KIAA0586: variants seen among roughly 807,000 people sequenced by gnomAD.
The protein encoded by KIAA0586 is KIAA0586.
KIAA0586 carries 144 observed loss-of-function variants against 169.8 expected under a neutral mutation model. The observed-to-expected ratio is 0.85, with a 90% CI of 0.74 to 0.97. The LOEUF is 0.97. Ranked by LOEUF, KIAA0586 falls within the 50% of genes least tolerant of loss-of-function variation. The pLI is 0.00. For synonymous variants in KIAA0586, 625 were observed against 612.4 expected (o/e 1.02, Z -0.30); for missense variants, 1,854 against 1,823.0 (o/e 1.02, Z -0.31).
chr14:58,478,844 G>A (rs2041840738), intron 20 of KIAA0586, among the ~76,000 whole-genome samples: 1 of 152,062 alleles, frequency 6.6e-6, no homozygotes, highest in South Asian at 2.1e-4. Flanking sequence ...GCAATATGTA[G>A]CCCGTTGTTA....
chr14:58,505,988 A>T (rs2043911209), intron 27 of KIAA0586, among the ~76,000 whole-genome samples: 1 of 152,146 alleles, frequency 6.6e-6, no homozygotes, highest in African/African-American at 2.4e-5. Context: ...AAAGCTAATC[A>T]CTTTTATCTA....
At chr14:58,461,305 G>T in intron 14 of KIAA0586, 145 bp downstream of exon 14, 1 of 500,858 alleles carries the variant, frequency 2.0e-6, no homozygotes, top group South Asian at 5.4e-5. Context: ...ATTCCTCTTA[G>T]GAGAGGTAGG....
intron 6 of KIAA0586, among the ~76,000 whole-genome samples, chr14:58,445,691 C>G (rs1367190924): frequency 3.3e-5 from 5 of 151,762 alleles, no homozygotes; most frequent in African/African-American, 4.8e-5. Flanking sequence ...ATCATGGCCT[C>G]CCAAAGTGCT....
At chr14:58,491,076 A>C (rs1256032022) in intron 25 of KIAA0586, among the ~76,000 whole-genome samples, 1 of 152,184 alleles carries the variant, frequency 6.6e-6, no homozygotes, top group African/African-American at 2.4e-5. Flanking sequence ...TATGGGAAGA[A>C]GGCATAAATG....
chr14:58,453,158 A>G (rs1486437455), intron 8 of KIAA0586, among the ~76,000 whole-genome samples, 192 bp from the exon 9 acceptor site: 1 of 147,590 alleles, frequency 6.8e-6, no homozygotes, highest in African/African-American at 2.5e-5. Context: ...ACCTCAGATG[A>G]TCCACCCACC....
Position 58,482,693 on chromosome 14 carries a change from C to A in KIAA0586, c.3125C>A (p.Thr1042Lys). 6.4e-7 allele frequency: 1 copy of A among 1,565,014 alleles called. No individual in the cohort carries two copies. Among genetic ancestry groups the A allele is most frequent in the Non-Finnish European group, 8.6e-7 (1 of 1,158,790 alleles). ...VATGVSGDAS[T>K]NETYLPARVC... ...ACAGGTGTTTCTGGGGATGCTTCAA[C>A]AAATGAAACATATTTGCCGGTATGG... The change falls in exon 21 of 31, where the codon ACA becomes AAA. Residue 1042 changes from threonine to lysine, a missense_variant. By Grantham distance (78) the Thr-to-Lys change is moderately conservative (BLOSUM62 -1). Transcript: ENST00000652326.
At chr14:58,541,105 C>T (rs944504078) in intron 30 of KIAA0586, among the ~76,000 whole-genome samples, 1 of 152,202 alleles carries the variant, frequency 6.6e-6, no homozygotes, top group Non-Finnish European at 1.5e-5. Context: ...TGCTGGAACT[C>T]AGGGCTGATT....
intron 29 of KIAA0586, chr14:58,521,699 T>G: frequency 1.1e-6 from 1 of 888,980 alleles, no homozygotes; most frequent in Admixed American, 1.7e-5. Context: ...AAAAGTGGAT[T>G]CTCTCTTAGA....
At position 58,453,155 on chromosome 14, in the gene KIAA0586, A is replaced by G. The variant is rs1196284929; in HGVS notation, c.1130-195A>G. Among the ~76,000 whole-genome samples the G allele has an allele frequency of 2.0e-5, 3 of 151,754 alleles. No individual in the cohort carries two copies. In the East Asian group the frequency reaches 5.9e-4, roughly 30 times the overall value. On this transcript the variant is annotated intron_variant, in intron 8 of 30. Coordinates refer to ENST00000652326, the MANE Select transcript of KIAA0586 (RefSeq NM_001329943.3). ...GCTGGTCTCGAACTTCCGACCTCAG[A>G]TGATCCACCCACCTCAGCCTCCCAA...
At chr14:58,462,872 G>T (rs2140907540) in intron 14 of KIAA0586, among the ~76,000 whole-genome samples, 1 of 152,234 alleles carries the variant, frequency 6.6e-6, no homozygotes, top group African/African-American at 2.4e-5. Flanking sequence ...AGCAAAGAAA[G>T]CCATGCCCTT....
At chr14:58,445,976 CT>C (rs2038865399) in intron 6 of KIAA0586, among the ~76,000 whole-genome samples, 1 of 151,318 alleles carries the variant, frequency 6.6e-6, no homozygotes, top group African/African-American at 2.4e-5. Context: ...TCAAGCGATT[CT>C]CCTGCCACAG....
chr14:58,428,589 TC>T, intron 1 of KIAA0586, 126 bp downstream of exon 1: 1 of 688,168 alleles, frequency 1.5e-6, no homozygotes, highest in Non-Finnish European at 2.4e-6. Flanking sequence ...TGACCCTGTT[TC>T]CCGGGAAAAT....
At chr14:58,448,155 C>G (rs2039061413) in intron 6 of KIAA0586, among the ~76,000 whole-genome samples, 185 bp from the exon 7 acceptor site, 1 of 152,160 alleles carries the variant, frequency 6.6e-6, no homozygotes, top group Admixed American at 6.5e-5. Flanking sequence ...GATCTTTGTG[C>G]TTCTACATCT....
intron 30 of KIAA0586, among the ~76,000 whole-genome samples, chr14:58,543,144 AAAAG>A (rs1402005564): frequency 3.3e-5 from 5 of 150,768 alleles, no homozygotes; most frequent in African/African-American, 4.9e-5. Flanking sequence ...AAAAAAAAAA[AAAAG>A]AAAAGAAACA....
intron 15 of KIAA0586, 30 bp from the exon 16 acceptor site, chr14:58,467,705 T>C (rs780800954): frequency 2.0e-6 from 3 of 1,527,220 alleles, no homozygotes; most frequent in South Asian, 2.4e-5. Flanking sequence ...TCTGAACTAG[T>C]TGACTTATTT....
intron 29 of KIAA0586, among the ~76,000 whole-genome samples, chr14:58,529,825 C>T (rs188760763): frequency 5.9e-5 from 9 of 152,280 alleles, no homozygotes; most frequent in Middle Eastern, 3.4e-3. Context: ...CTCACCACTC[C>T]GATTCAACAC....
chr14:58,436,764 T>G (rs2037854000), intron 4 of KIAA0586, among the ~76,000 whole-genome samples: 1 of 152,094 alleles, frequency 6.6e-6, no homozygotes, highest in Admixed American at 6.6e-5. Flanking sequence ...CTAAGATAAA[T>G]TTGGAAAAGC....
chr14:58,443,710 A>T (rs887218716), intron 5 of KIAA0586, among the ~76,000 whole-genome samples: 2 of 152,140 alleles, frequency 1.3e-5, no homozygotes, highest in Non-Finnish European at 2.9e-5. Context: ...GGTGTGAGCC[A>T]CCGCGCCTGG....
At chr14:58,490,120 T>A in intron 24 of KIAA0586, 44 bp from the exon 25 acceptor site, 1 of 934,784 alleles carries the variant, frequency 1.1e-6, no homozygotes, top group Non-Finnish European at 1.6e-6. Context: ...TTACTAAGTT[T>A]GTGTTTCTTT....
Sources: allele counts gnomAD v4.1 joint callset (sites outside exome capture counted in the v4.1 genomes callset), GRCh38; gene constraint gnomAD v4.1.1; transcripts MANE v1.5; gene names NCBI Gene and HGNC (gene_info 2026-07-23, HGNC 2026-07-21).